PLCL2: variants seen among roughly 807,000 people sequenced by gnomAD.
The protein encoded by PLCL2 is phospholipase C like 2.
A neutral mutation model predicts 79.6 loss-of-function variants in PLCL2; 4 were observed. That is an observed-to-expected ratio of 0.05 (90% CI 0.02 to 0.11). The LOEUF (loss-of-function observed/expected upper bound fraction) is 0.11, where lower values mean the gene tolerates loss of function less well. Among genes scored for constraint, PLCL2 ranks in the 10% least tolerant of loss-of-function variants. The pLI, the probability that PLCL2 is intolerant of heterozygous loss-of-function variation, is 1.00. For synonymous variants in PLCL2, 484 were observed against 457.7 expected, an observed-to-expected ratio of 1.06 and a Z score of -0.73; for missense variants, 895 against 1,291.0, an observed-to-expected ratio of 0.69 and a Z score of 4.70.
intron 1 of PLCL2, among the ~76,000 whole-genome samples, chr3:16,932,238 T>C (rs1247095680): frequency 1.1e-4 from 17 of 152,234 alleles, no homozygotes; most frequent in Admixed American, 1.0e-3. Flanking sequence ...CATTCTGCTA[T>C]GTGGTTTAGG....
intron 5 of PLCL2, among the ~76,000 whole-genome samples, chr3:17,077,018 C>T (rs2065115162): frequency 6.6e-6 from 1 of 152,190 alleles, no homozygotes; most frequent in Non-Finnish European, 1.5e-5. Context: ...CCAGCCTCTT[C>T]CTCTCCACTC....
intron 1 of PLCL2, among the ~76,000 whole-genome samples, chr3:16,955,936 A>G (rs995939508): frequency 1.1e-4 from 16 of 152,266 alleles, no homozygotes; most frequent in Admixed American, 5.9e-4. Flanking sequence ...GGGCTGAGAC[A>G]ATGGGGTTTT....
intron 1 of PLCL2, among the ~76,000 whole-genome samples, chr3:16,943,940 G>A (rs1386095881): frequency 6.6e-6 from 1 of 152,042 alleles, no homozygotes; most frequent in East Asian, 1.9e-4. Flanking sequence ...TGATCTCTTG[G>A]GTATTATGTT....
At chr3:16,978,960 G>A (rs1236631107) in intron 1 of PLCL2, among the ~76,000 whole-genome samples, 1 of 152,170 alleles carries the variant, frequency 6.6e-6, no homozygotes, top group Admixed American at 6.5e-5. Context: ...GAGAATAATT[G>A]TTAAGAAAAG....
At chr3:16,927,545 T>A (rs950949487) in intron 1 of PLCL2, among the ~76,000 whole-genome samples, 3 of 152,314 alleles carry the variant, frequency 2.0e-5, no homozygotes, top group Non-Finnish European at 4.4e-5. Flanking sequence ...ATCAGAAGTT[T>A]AAGAGCTGGA....
intron 4 of PLCL2, among the ~76,000 whole-genome samples, chr3:17,055,596 C>T (rs1310291514): frequency 1.3e-5 from 2 of 152,154 alleles, no homozygotes; most frequent in Non-Finnish European, 2.9e-5. Context: ...AACTTTCACA[C>T]GAATGTTATT....
rs191033519 is a variant in PLCL2 at position 16,945,789 on chromosome 3, G to A, written c.327+60423G>A. Among the ~76,000 whole-genome samples the A allele has an allele frequency of 1.5e-4, 23 of 152,274 alleles. No homozygotes were observed. The East Asian group carries it at 4.4e-3, about 29-fold the overall frequency. On this transcript the variant is annotated intron_variant, in intron 1 of 5. Coordinates refer to ENST00000615277, the MANE Select transcript of PLCL2 (RefSeq NM_001144382.2). ...TTTCTTTCCCACACACAGCAAATTTGTAGACCCTGGGGTCATGGTTCCACT... is the reference window on the plus strand; with the variant it reads ...TTTCTTTCCCACACACAGCAAATTTATAGACCCTGGGGTCATGGTTCCACT...
intron 5 of PLCL2, among the ~76,000 whole-genome samples, chr3:17,084,420 C>A (rs191699099): frequency 6.6e-6 from 1 of 152,214 alleles, no homozygotes; most frequent in African/African-American, 2.4e-5. Context: ...TGAATACTTC[C>A]TAACTCATTC....
Position 17,010,991 on chromosome 3 carries a change from A to C in PLCL2, c.1645A>C (p.Asn549His). Residue 549 changes from asparagine to histidine, a missense_variant, in exon 2 of 6, where the codon AAT (asparagine) becomes CAT (histidine). Asn to His is a moderately conservative substitution (Grantham distance 68). This residue lies in a region of PLCL2 where 242 missense variants were observed against 399.5 expected (regional missense o/e 0.61). Coordinates refer to ENST00000615277, the MANE Select transcript of PLCL2 (RefSeq NM_001144382.2). The surrounding 1 kb of genome is among the most constrained non-coding windows in gnomAD (Gnocchi z 5.8). Reference protein sequence around the residue: ...LGDKLYTTSPNVEESYLPSPD... With the variant: ...LGDKLYTTSPHVEESYLPSPD... ...AGACAAGCTCTATACAACATCACCC[A>C]ATGTTGAGGAATCTTATCTACCATC... The C allele has an allele frequency of 6.2e-7, 1 of 1,613,478 alleles. No homozygotes were observed. Among genetic ancestry groups the C allele is most frequent in the Non-Finnish European group, 8.5e-7 (1 of 1,179,466 alleles).
chr3:17,013,411 G>A (rs777942935), intron 2 of PLCL2, among the ~76,000 whole-genome samples: 34 of 152,172 alleles, frequency 2.2e-4, no homozygotes, highest in Non-Finnish European at 3.1e-4. Flanking sequence ...GCTAGTTGGG[G>A]GCAGGCAGTG....
At chr3:17,047,301 G>A (rs142321748) in intron 4 of PLCL2, among the ~76,000 whole-genome samples, 10 of 152,234 alleles carry the variant, frequency 6.6e-5, no homozygotes, top group Non-Finnish European at 1.2e-4. Flanking sequence ...CAAAGAGCCC[G>A]CATAGGACAC....
In PLCL2 at chr3:17,010,410, A is replaced by G; in HGVS notation, c.1064A>G (p.Lys355Arg). The change falls in exon 2 of 6, where the codon AAA (lysine) becomes AGA (arginine). Residue 355 changes from lysine (K) to arginine (R), a missense_variant. Lys to Arg is a conservative substitution (Grantham distance 26). This residue lies in a region of PLCL2 where 93 missense variants were observed against 93.2 expected (regional missense o/e 1.00). Coordinates refer to ENST00000615277, the MANE Select transcript of PLCL2 (RefSeq NM_001144382.2). The surrounding 1 kb of genome is among the most constrained non-coding windows in gnomAD (Gnocchi z 5.8). Reference protein sequence around the residue: ...YFLLVQFSSNKEFLDTKDLMM... With the variant: ...YFLLVQFSSNREFLDTKDLMM... Reference sequence around the variant, plus strand: ...CTTTTAGTTCAGTTTTCAAGCAATAAAGAATTCCTTGATACCAAGGACCTT... The same window carrying G: ...CTTTTAGTTCAGTTTTCAAGCAATAGAGAATTCCTTGATACCAAGGACCTT... 1 of 1,613,694 alleles carries G rather than the reference A, an allele frequency of 6.2e-7. No individual in the cohort carries two copies. Among genetic ancestry groups the G allele is most frequent in the Non-Finnish European group, 8.5e-7 (1 of 1,179,690 alleles).
chr3:17,040,438 G>C (rs145867047), intron 3 of PLCL2, among the ~76,000 whole-genome samples: 24 of 152,290 alleles, frequency 1.6e-4, no homozygotes, highest in African/African-American at 5.8e-4. Flanking sequence ...ATCACACCCA[G>C]CTTTTCAAGT....
Position 16,956,343 on chromosome 3 carries a change from A to C in PLCL2, c.328-53331A>C, listed in dbSNP as rs201841890. Among the ~76,000 whole-genome samples the C allele has an allele frequency of 5.9e-5, 9 of 151,658 alleles. 1 individual carries two copies. The highest frequency in any genetic ancestry group is 6.6e-5 in the Admixed American group (1 of 15,228). ...TGCTGGATTATGTTTATTGATTTGCATATGTTGAACCAGCCTTGCATCCCG... is the reference window on the plus strand; with the variant it reads ...TGCTGGATTATGTTTATTGATTTGCCTATGTTGAACCAGCCTTGCATCCCG... On this transcript the variant is annotated intron_variant, in intron 1 of 5. Coordinates refer to ENST00000615277, the MANE Select transcript of PLCL2 (RefSeq NM_001144382.2).
chr3:16,914,679 TA>T (rs1233946091), intron 1 of PLCL2, among the ~76,000 whole-genome samples: 3 of 152,098 alleles, frequency 2.0e-5, no homozygotes, highest in African/African-American at 4.8e-5. Flanking sequence ...TTACAGGATT[TA>T]GGGGGTATGT....
chr3:16,888,612 ATTCAT>A (rs762094986), intron 1 of PLCL2, among the ~76,000 whole-genome samples: 35 of 152,158 alleles, frequency 2.3e-4, no homozygotes, highest in Non-Finnish European at 8.8e-5. Flanking sequence ...TCTTTCCATA[ATTCAT>A]TTCATCACTC....
chr3:17,016,445 G>C (rs1226393807), intron 3 of PLCL2, among the ~76,000 whole-genome samples: 2 of 152,208 alleles, frequency 1.3e-5, no homozygotes, highest in Non-Finnish European at 2.9e-5. Context: ...ACTACATAGA[G>C]TGGCACCCTC....
At chr3:16,940,336 C>CA (rs896822924) in intron 1 of PLCL2, among the ~76,000 whole-genome samples, 1 of 152,072 alleles carries the variant, frequency 6.6e-6, no homozygotes, top group South Asian at 2.1e-4. Flanking sequence ...CCTTTTTAAT[C>CA]AAAAAAAGTT....
intron 3 of PLCL2, among the ~76,000 whole-genome samples, chr3:17,037,613 G>A (rs1018104767): frequency 6.6e-6 from 1 of 152,040 alleles, no homozygotes; most frequent in African/African-American, 2.4e-5. Flanking sequence ...TTTAGAGGTT[G>A]GGATTTTCTA....
Sources: gnomAD v4.1 joint callset for allele counts (sites outside exome capture counted in the v4.1 genomes callset) on GRCh38, gnomAD v4.1.1 for gene constraint, gnomAD v4.1.1 regional missense constraint, Gnocchi (gnomAD v3.1) non-coding constraint, MANE v1.5 for transcripts, NCBI Gene and HGNC (gene_info 2026-07-23, HGNC 2026-07-21) for gene names.